Variants in CNTNAP2 observed in about 807,000 individuals in gnomAD.
CNTNAP2 encodes the protein contactin associated protein 2.
CNTNAP2 carries 98 observed loss-of-function variants against 155.2 expected under a neutral mutation model. That is an observed-to-expected ratio of 0.63 (90% confidence interval 0.54 to 0.75). The LOEUF (loss-of-function observed/expected upper bound fraction) is 0.75, where lower values mean the gene tolerates loss of function less well. CNTNAP2 is among the 30% of genes least tolerant of loss of function. CNTNAP2 has a pLI of 0.00. For missense variants in CNTNAP2, 1,727 were observed against 1,688.1 expected (o/e 1.02, Z -0.40); for synonymous variants, 651 against 631.2 (o/e 1.03, Z -0.47).
chr7:147,191,682 A>G (rs1802683155), intron 8 of CNTNAP2, among the ~76,000 whole-genome samples: 1 of 152,206 alleles, frequency 6.6e-6, no homozygotes, highest in African/African-American at 2.4e-5. Context: ...AATACGGTTA[A>G]GTCTAGGTTT....
intron 8 of CNTNAP2, among the ~76,000 whole-genome samples, chr7:147,207,217 G>A (rs1266756502): frequency 6.6e-6 from 1 of 152,140 alleles, no homozygotes; most frequent in East Asian, 1.9e-4. Context: ...TGTGTATGGG[G>A]AAGTGGTGGT....
At chr7:147,138,326 C>T (rs530535322) in intron 8 of CNTNAP2, among the ~76,000 whole-genome samples, 2 of 152,034 alleles carry the variant, frequency 1.3e-5, no homozygotes, top group South Asian at 4.1e-4. Flanking sequence ...AGATAAAGAT[C>T]TGAGTACTAG....
intron 13 of CNTNAP2, among the ~76,000 whole-genome samples, chr7:147,836,460 C>G (rs1485963754): frequency 1.3e-5 from 2 of 152,072 alleles, no homozygotes; most frequent in Non-Finnish European, 2.9e-5. Context: ...TCCTCCCCCA[C>G]CATGCACCAC....
intron 11 of CNTNAP2, among the ~76,000 whole-genome samples, chr7:147,506,319 G>A (rs1365567306): frequency 1.3e-5 from 2 of 152,116 alleles, no homozygotes; most frequent in African/African-American, 4.8e-5. Context: ...GCAATGGCGC[G>A]ATCTCGGCTC....
chr7:148,272,915 G>A (rs1213416880), intron 21 of CNTNAP2, among the ~76,000 whole-genome samples: 1 of 152,168 alleles, frequency 6.6e-6, no homozygotes, highest in African/African-American at 2.4e-5. Flanking sequence ...TATGATTTGA[G>A]AGACGAGAGA....
chr7:146,746,336 A>T (rs1283061733), intron 1 of CNTNAP2, among the ~76,000 whole-genome samples: 7 of 152,196 alleles, frequency 4.6e-5, no homozygotes, highest in Admixed American at 4.6e-4. Flanking sequence ...GAGTGATATT[A>T]ATTAAAGCAT....
chr7:148,031,846 A>T (rs1434458943), intron 15 of CNTNAP2, among the ~76,000 whole-genome samples: 1 of 152,164 alleles, frequency 6.6e-6, no homozygotes, highest in Non-Finnish European at 1.5e-5. Context: ...GAGGAGACTC[A>T]GTCAGAGAGG....
intron 13 of CNTNAP2, among the ~76,000 whole-genome samples, chr7:147,850,256 G>A (rs1177010): frequency 0.35 from 53,382 of 151,974 alleles, 9,577 homozygotes; most frequent in Middle Eastern, 0.4. Flanking sequence ...ACTGCTCAGC[G>A]AAATAAAAGA....
intron 13 of CNTNAP2, among the ~76,000 whole-genome samples, chr7:147,901,282 T>G (rs973788288): frequency 2.6e-5 from 4 of 152,236 alleles, no homozygotes; most frequent in African/African-American, 9.6e-5. Context: ...CCTGTTGATC[T>G]TTTGAAACAC....
intron 1 of CNTNAP2, among the ~76,000 whole-genome samples, chr7:146,591,304 G>C (rs552375434): frequency 7.2e-4 from 110 of 152,268 alleles, no homozygotes; most frequent in African/African-American, 2.6e-3. Flanking sequence ...GGGATACTCA[G>C]CCTGTACTCC....
At chr7:146,791,978 G>A (rs1802681858) in intron 2 of CNTNAP2, among the ~76,000 whole-genome samples, 1 of 152,158 alleles carries the variant, frequency 6.6e-6, no homozygotes, top group Non-Finnish European at 1.5e-5. Flanking sequence ...ATAGAAAAAA[G>A]TGTGGTTGAT....
chr7:146,201,390 A>G (rs1250740460), intron 1 of CNTNAP2, among the ~76,000 whole-genome samples: 1 of 152,182 alleles, frequency 6.6e-6, no homozygotes, highest in Non-Finnish European at 1.5e-5. Context: ...AAGAAGAAAT[A>G]TCACATTAAA....
At chr7:148,111,607 T>A (rs957372515) in intron 15 of CNTNAP2, among the ~76,000 whole-genome samples, 3 of 151,938 alleles carry the variant, frequency 2.0e-5, no homozygotes, top group Admixed American at 6.6e-5. Flanking sequence ...GTCTCAGACC[T>A]CATATGGGAG....
At position 148,147,603 on chromosome 7, in the gene CNTNAP2, G is replaced by A; in HGVS notation, c.2667G>A (p.Arg889=). The A allele has an allele frequency of 6.2e-7, 1 of 1,614,106 alleles. No homozygotes were observed. Among genetic ancestry groups the A allele is most frequent in the Non-Finnish European group, 8.5e-7 (1 of 1,180,030 alleles). ...AGTGGCACCGGGTCACTGCAGAGAGGAATGTCAAGCAGGCCAGCCTACAGG... is the reference window on the plus strand; with the variant it reads ...AGTGGCACCGGGTCACTGCAGAGAGAAATGTCAAGCAGGCCAGCCTACAGG... ...DDQWHRVTAE[R]NVKQASLQVD... is the part of the protein sequence containing the mutation. The change falls in exon 17 of 24, where the codon AGG becomes AGA. Residue 889 remains arginine, a synonymous_variant. Transcript: ENST00000361727.
intron 1 of CNTNAP2, among the ~76,000 whole-genome samples, chr7:146,679,999 T>A (rs1397491642): frequency 6.6e-6 from 1 of 152,306 alleles, no homozygotes; most frequent in Middle Eastern, 3.4e-3. Context: ...ACATTTATAT[T>A]TTCATTTAAA....
chr7:146,131,306 C>T (rs954855007), intron 1 of CNTNAP2, among the ~76,000 whole-genome samples: 2 of 152,050 alleles, frequency 1.3e-5, no homozygotes, highest in Admixed American at 6.6e-5. Flanking sequence ...GAGGTTTATT[C>T]TCTCATTTAA....
rs538051571 is a variant in CNTNAP2 at position 146,292,121 on chromosome 7, T to G, written c.97+175148T>G. Among the ~76,000 whole-genome samples the G allele has an allele frequency of 8.5e-5, 13 of 152,272 alleles. No homozygotes were observed. The South Asian group carries it at 2.7e-3, about 32-fold the overall frequency. ...AGACACAAAATGACCAAAAGGTATA[T>G]GAAAAAATGCTGAGCATCATTAATT... On this transcript the variant is annotated intron_variant, in intron 1 of 23. Coordinates refer to ENST00000361727, the MANE Select transcript of CNTNAP2 (RefSeq NM_014141.6).
At chr7:147,500,875 A>T (rs1798797624) in intron 11 of CNTNAP2, among the ~76,000 whole-genome samples, 1 of 152,148 alleles carries the variant, frequency 6.6e-6, no homozygotes, top group Non-Finnish European at 1.5e-5. Context: ...GACACTTCCA[A>T]ACTCATTTTA....
At chr7:146,335,506 A>G (rs537164732) in intron 1 of CNTNAP2, among the ~76,000 whole-genome samples, 229 of 152,246 alleles carry the variant, frequency 1.5e-3, no homozygotes, top group African/African-American at 5.3e-3. Context: ...GCCTCCCAAC[A>G]TTAGATTTTC....
Sources: allele counts gnomAD v4.1 joint callset (sites outside exome capture counted in the v4.1 genomes callset), GRCh38; gene constraint gnomAD v4.1.1; transcripts MANE v1.5; gene names NCBI Gene and HGNC (gene_info 2026-07-23, HGNC 2026-07-21).